The following EPHB3 variants were observed in gnomAD, a reference collection of about 807,000 sequenced individuals.
The protein encoded by EPHB3 is ephrin type-B receptor 3.
In EPHB3, 33 loss-of-function variants were observed where a neutral mutation model predicts 100.2. That is an observed-to-expected ratio of 0.33 (90% CI 0.25 to 0.44). The LOEUF (loss-of-function observed/expected upper bound fraction) is 0.44, where lower values mean the gene tolerates loss of function less well. Ranked by LOEUF, EPHB3 falls within the 20% of genes least tolerant of loss-of-function variation. EPHB3 has a pLI of 1.00. For missense variants in EPHB3, 1,045 were observed against 1,378.3 expected (o/e 0.76, Z 3.83); for synonymous variants, 526 against 554.7 (o/e 0.95, Z 0.73).
In EPHB3 at chr3:184,572,372, T is replaced by TA. The variant is rs1466961432; in HGVS notation, c.184-131dup. ...GGCAGAGAGCTGGAATTTGAGCCCA[T>TA]ATAGCCTGTATGCTCAGCCACTGCA... is the stretch of plus-strand genomic sequence containing the variant. On this transcript the variant is annotated intron_variant, in intron 2 of 15. Coordinates refer to ENST00000330394, the MANE Select transcript of EPHB3 (RefSeq NM_004443.4). The surrounding 1 kb of genome is among the most constrained non-coding windows in gnomAD (Gnocchi z 6.6). 1 of 1,039,006 alleles carries TA rather than the reference T, an allele frequency of 9.6e-7. No homozygotes were observed. Among genetic ancestry groups the TA allele is most frequent in the Non-Finnish European group, 1.3e-6 (1 of 774,946 alleles). 64.4% of individuals were successfully genotyped at this position (1,039,006 alleles called of 1,614,324 possible). A position where few individuals can be genotyped will look rare whatever the true frequency, so the allele number is the denominator to read the frequency against.
chr3:184,565,600 C>T lies in EPHB3; in HGVS notation c.118+3247C>T, dbSNP rs921014645. Among the ~76,000 whole-genome samples, 47 of 152,216 alleles carry T rather than the reference C, an allele frequency of 3.1e-4. No homozygotes were observed. The highest frequency in any genetic ancestry group is 1.1e-3 in the African/African-American group (45 of 41,452). On this transcript the variant is annotated intron_variant, in intron 1 of 15. Coordinates refer to ENST00000330394, the MANE Select transcript of EPHB3 (RefSeq NM_004443.4). This position sits in a 1 kb window ranked among gnomAD's most constrained non-coding sequence, Gnocchi z 4.8. ...TCTGAAGGAACAAGACAGCATAGAG[C>T]CCACCTCCTTCACAGGGGCAGCAGG... is the stretch of plus-strand genomic sequence containing the variant.
chr3:184,579,612 G>A lies in EPHB3; in HGVS notation c.1924+13G>A. ...GTGATCGGAGCTGGTGAGTCTCCCG[G>A]GGCACAGTAGAGATGAGAAGCTGAG... On this transcript the variant is annotated intron_variant, in intron 10 of 15. Coordinates refer to ENST00000330394, the MANE Select transcript of EPHB3 (RefSeq NM_004443.4). The surrounding 1 kb of genome is among the most constrained non-coding windows in gnomAD (Gnocchi z 5.2). 2 of 1,613,780 alleles carry A rather than the reference G, an allele frequency of 1.2e-6. No homozygotes were observed. Among genetic ancestry groups the A allele is most frequent in the Non-Finnish European group, 1.7e-6 (2 of 1,179,866 alleles).
rs1714829255 is a variant in EPHB3, at chr3:184,581,737, A to G, written c.*115A>G. 21 of 1,087,242 alleles carry G rather than the reference A, an allele frequency of 1.9e-5. No homozygotes were observed. In the South Asian group the frequency reaches 3.5e-4, roughly 18 times the overall value. 67.3% of individuals were successfully genotyped at this position (1,087,242 alleles called of 1,614,324 possible). A position where few individuals can be genotyped will look rare whatever the true frequency, so the allele number is the denominator to read the frequency against. Reference sequence around the variant, plus strand: ...CTTAGGCTGTGGCCCAGAAGCTGGAAGTTTGGGAAAGGCCCAAGCTGGGAC... The same window carrying G: ...CTTAGGCTGTGGCCCAGAAGCTGGAGGTTTGGGAAAGGCCCAAGCTGGGAC... On this transcript the variant is annotated 3_prime_UTR_variant, in exon 16 of 16. Coordinates refer to ENST00000330394, the MANE Select transcript of EPHB3 (RefSeq NM_004443.4).
Position 184,562,244 on chromosome 3 carries a change from A to C in EPHB3, c.9A>C (p.Arg3Ser), listed in dbSNP as rs1467550827. 1.9e-6 allele frequency: 2 copies of C among 1,032,330 alleles called. No homozygotes were observed. Among genetic ancestry groups the C allele is most frequent in the Non-Finnish European group, 2.4e-6 (2 of 825,972 alleles). 63.9% of individuals were successfully genotyped at this position (1,032,330 alleles called of 1,614,324 possible). ...CTAGAGCTGCCACGGCCATGGCCAGAGCCCGCCCGCCGCCGCCGCCGTCGC... is the reference window on the plus strand; with the variant it reads ...CTAGAGCTGCCACGGCCATGGCCAGCGCCCGCCCGCCGCCGCCGCCGTCGC... MARARPPPPPSPP... is the reference protein window; with the variant it reads MASARPPPPPSPP... The change falls in exon 1 of 16, where the codon AGA becomes AGC. Residue 3 changes from arginine (R) to serine (S), a missense_variant. Arg to Ser is a moderately radical substitution (Grantham distance 110, BLOSUM62 -1). This residue lies in a region of EPHB3 where 60 missense variants were observed against 47.2 expected (regional missense o/e 1.27). Coordinates refer to ENST00000330394, the MANE Select transcript of EPHB3 (RefSeq NM_004443.4). The surrounding 1 kb of genome is among the most constrained non-coding windows in gnomAD (Gnocchi z 4.8).
rs539714486 is a variant in EPHB3 at position 184,581,584 on chromosome 3, C to A, written c.2959C>A (p.Arg987=). Residue 987 remains arginine, a synonymous_variant, in exon 16 of 16, where the codon CGG becomes AGG. Coordinates refer to ENST00000330394, the MANE Select transcript of EPHB3 (RefSeq NM_004443.4). Reference sequence around the variant, plus strand: ...GATCCTGAGCAGTATCCAGGACATGCGGCTGCAGATGAACCAGACGCTGCC... The same window carrying A: ...GATCCTGAGCAGTATCCAGGACATGAGGCTGCAGATGAACCAGACGCTGCC... ...KKILSSIQDM[R]LQMNQTLPVQ... is the part of the protein sequence containing the mutation. 18 of 1,613,260 alleles carry A rather than the reference C, an allele frequency of 1.1e-5. No individual in the cohort carries two copies. In the East Asian group the frequency reaches 2.5e-4, roughly 22 times the overall value.
Position 184,580,414 on chromosome 3 carries a change from C to T in EPHB3, c.2185C>T (p.Gln729Ter). 6.2e-7 allele frequency: 1 copy of T among 1,614,206 alleles called. No individual in the cohort carries two copies. The highest frequency in any genetic ancestry group is 8.5e-7 in the Non-Finnish European group (1 of 1,180,026). ...TTGTTGCCTGCAGCTCAACGATGGG[C>T]AGTTCACGGTCATCCAGCTGGTGGG... The part of the protein sequence containing the change: ...LDSFLRLNDG[Q>*]FTVIQLVGML... The change falls in exon 12 of 16, where the codon CAG becomes TAG. Residue 729 changes from glutamine (Q) to a stop codon, truncating the protein, a stop_gained. Transcript: ENST00000330394. LOFTEE classifies it high-confidence loss of function.
intron 1 of EPHB3, among the ~76,000 whole-genome samples, chr3:184,568,486 AACACACGTAC>A (rs1447774997): frequency 1.3e-5 from 2 of 152,130 alleles, no homozygotes; most frequent in Admixed American, 6.5e-5. Context: ...GTGTATGTAC[AACACACGTAC>A]ACACACGTGC....
chr3:184,568,600 C>CA (rs990315015), intron 1 of EPHB3, among the ~76,000 whole-genome samples: 3 of 151,022 alleles, frequency 2.0e-5, no homozygotes, highest in East Asian at 2.0e-4. Flanking sequence ...TGACCCCCCC[C>CA]CCACATCCCC....
rs773640248 is a variant in EPHB3 at position 184,578,516 on chromosome 3, G to C, written c.1801+50G>C. 6.2e-7 allele frequency: 1 copy of C among 1,611,208 alleles called. No homozygotes were observed. Among genetic ancestry groups the C allele is most frequent in the East Asian group, 2.2e-5 (1 of 44,826 alleles). ...CCAAGCTCTCCCAGCCCCCTGCAGG[G>C]CTCTCAGACACCCTTCTCCCTGCCT... On this transcript the variant is annotated intron_variant, in intron 9 of 15. Transcript: ENST00000330394. The surrounding 1 kb of genome is among the most constrained non-coding windows in gnomAD (Gnocchi z 4.7).
At chr3:184,576,818 C>T (rs764300784) in intron 4 of EPHB3, 24 bp from the exon 5 acceptor site, 18 of 1,522,272 alleles carry the variant, frequency 1.2e-5, no homozygotes, top group Admixed American at 2.1e-5. Flanking sequence ...AGCTCACTAC[C>T]TTCTCCCTCC....
intron 1 of EPHB3, among the ~76,000 whole-genome samples, chr3:184,570,315 T>C (rs1714507966): frequency 6.6e-6 from 1 of 152,212 alleles, no homozygotes; most frequent in South Asian, 2.1e-4. Context: ...TGCAAGGGAT[T>C]AATTATAGAG....
Position 184,577,111 on chromosome 3 carries a change from G to A in EPHB3, c.1282G>A (p.Val428Ile). ...HTRYTFEVQA[V>I]NGVSGKSPLP... ...GCGCTACACCTTTGAGGTGCAGGCG[G>A]TCAACGGTGTCTCGGGCAAGAGCCC... Residue 428 changes from valine to isoleucine, a missense_variant, in exon 5 of 16, where the codon GTC becomes ATC. Transcript: ENST00000330394. The surrounding 1 kb of genome is among the most constrained non-coding windows in gnomAD (Gnocchi z 4.9). 1 of 1,612,692 alleles carries A rather than the reference G, an allele frequency of 6.2e-7. No homozygotes were observed. Among genetic ancestry groups the A allele is most frequent in the South Asian group, 1.1e-5 (1 of 91,064 alleles).
rs1714544528 is a variant in EPHB3, at chr3:184,571,765, C to T, written c.183+383C>T. Among the ~76,000 whole-genome samples, 4 of 152,140 alleles carry T rather than the reference C, an allele frequency of 2.6e-5. No homozygotes were observed. Among genetic ancestry groups the T allele is most frequent in the Middle Eastern group, 3.4e-3 (1 of 294 alleles). ...CTTGCTGTGTGACCTTGGGCAAGGC[C>T]GTTTACCCCTCTGGGTGGCCACTTC... On this transcript the variant is annotated intron_variant, in intron 2 of 15. Transcript: ENST00000330394. This position sits in a 1 kb window ranked among gnomAD's most constrained non-coding sequence, Gnocchi z 5.0.
At position 184,577,456 on chromosome 3, in the gene EPHB3, T is replaced by G; in HGVS notation, c.1468T>G (p.Tyr490Asp). ...AGTCATCCTGGACTACGAGATGAAGTACTTTGAGAAGGTCAGAACCTCAAG... is the reference window on the plus strand; with the variant it reads ...AGTCATCCTGGACTACGAGATGAAGGACTTTGAGAAGGTCAGAACCTCAAG... ...NGVILDYEMK[Y>D]FEKSEGIAST... The change falls in exon 6 of 16, where the codon TAC (tyrosine) becomes GAC (aspartate). Residue 490 changes from tyrosine to aspartate, a missense_variant. Transcript: ENST00000330394. This position sits in a 1 kb window ranked among gnomAD's most constrained non-coding sequence, Gnocchi z 4.9. 6.2e-7 allele frequency: 1 copy of G among 1,613,880 alleles called. No homozygotes were observed. The highest frequency in any genetic ancestry group is 8.5e-7 in the Non-Finnish European group (1 of 1,179,966).
intron 1 of EPHB3, among the ~76,000 whole-genome samples, chr3:184,566,870 GTTGT>G (rs1015818582): frequency 1.9e-4 from 29 of 152,150 alleles, no homozygotes; most frequent in Non-Finnish European, 2.6e-4. Flanking sequence ...GTTTTTTTCT[GTTGT>G]TTGTTTGTTT....
In EPHB3 at chr3:184,571,680, C is replaced by T. The variant is rs1714543283; in HGVS notation, c.183+298C>T. 6.6e-6 allele frequency among the ~76,000 whole-genome samples: 1 copy of T among 152,164 alleles called. No homozygotes were observed. The highest frequency in any genetic ancestry group is 2.4e-5 in the African/African-American group (1 of 41,430). ...TCTGCATGTCCATCCCCACCATCTC[C>T]CTCCTCCCTGGGTCCCTGGAGAAAA... On this transcript the variant is annotated intron_variant, in intron 2 of 15. Transcript: ENST00000330394. This position sits in a 1 kb window ranked among gnomAD's most constrained non-coding sequence, Gnocchi z 5.0.
chr3:184,577,535 T>TG lies in EPHB3; in HGVS notation c.1479+69dup. The TG allele has an allele frequency of 6.2e-7, 1 of 1,601,704 alleles. No individual in the cohort carries two copies. The highest frequency in any genetic ancestry group is 2.2e-5 in the East Asian group (1 of 44,756). Reference sequence around the variant, plus strand: ...GGCTGAGAAAATTACCCCCGGATCATGATGGGGCCCTTGGGAGCAAGGCCT... The same window carrying TG: ...GGCTGAGAAAATTACCCCCGGATCATGGATGGGGCCCTTGGGAGCAAGGCCT... On this transcript the variant is annotated intron_variant, in intron 6 of 15. Transcript: ENST00000330394. This position sits in a 1 kb window ranked among gnomAD's most constrained non-coding sequence, Gnocchi z 4.9.
Position 184,577,366 on chromosome 3 carries a change from C to T in EPHB3, c.1378C>T (p.Arg460Cys), listed in dbSNP as rs1378516773. 5.0e-6 allele frequency: 8 copies of T among 1,613,616 alleles called. No individual in the cohort carries two copies. Among genetic ancestry groups the T allele is most frequent in the East Asian group, 2.2e-5 (1 of 44,876 alleles). The change falls in exon 6 of 16, where the codon CGC becomes TGC. Residue 460 changes from arginine to cysteine, a missense_variant. This residue lies in a region of EPHB3 where 985 missense variants were observed against 1,331.1 expected (regional missense o/e 0.74). Transcript: ENST00000330394. The surrounding 1 kb of genome is among the most constrained non-coding windows in gnomAD (Gnocchi z 4.9). Reference sequence around the variant, plus strand: ...AGCCCCGTCTGAAGTGCCCACACTACGCCTGCACAGCAGCTCAGGCAGCAG... The same window carrying T: ...AGCCCCGTCTGAAGTGCCCACACTATGCCTGCACAGCAGCTCAGGCAGCAG... ...QAAPSEVPTLRLHSSSGSSLT... is the reference protein window; with the variant it reads ...QAAPSEVPTLCLHSSSGSSLT...
intron 3 of EPHB3, among the ~76,000 whole-genome samples, chr3:184,574,909 A>T (rs1714635793): frequency 6.6e-6 from 1 of 152,246 alleles, no homozygotes; most frequent in Admixed American, 6.5e-5. Flanking sequence ...ATGAAACCCC[A>T]GAAAAGGGCA....
Sources: allele counts gnomAD v4.1 joint callset (sites outside exome capture counted in the v4.1 genomes callset), GRCh38; gene constraint gnomAD v4.1.1; regional missense constraint gnomAD v4.1.1; non-coding constraint Gnocchi (gnomAD v3.1); transcripts MANE v1.5; gene names NCBI Gene and HGNC (gene_info 2026-07-23, HGNC 2026-07-21).